The following VLDLR variants were observed in gnomAD, a reference collection of about 807,000 sequenced individuals.
VLDLR encodes the protein very low-density lipoprotein receptor.
In VLDLR, 81 loss-of-function variants were observed where a neutral mutation model predicts 112.7. The observed-to-expected ratio is 0.72, with a 90% CI of 0.60 to 0.86. The LOEUF is 0.86. VLDLR is among the 40% of genes least tolerant of loss of function. The probability of loss-of-function intolerance (pLI) is 0.00; values close to 1 mark genes in which losing one functional copy is unlikely to be tolerated. For synonymous variants in VLDLR, 436 were observed against 384.8 expected, an observed-to-expected ratio of 1.13 and a Z score of -1.56; for missense variants, 1,237 against 1,099.4, an observed-to-expected ratio of 1.13 and a Z score of -1.77.
At chr9:2,629,653 A>T (rs1364558974) in intron 1 of VLDLR, among the ~76,000 whole-genome samples, 1 of 152,240 alleles carries the variant, frequency 6.6e-6, no homozygotes, top group East Asian at 1.9e-4. Flanking sequence ...TATGTCCATG[A>T]TTCTTAAGAT....
chr9:2,625,168 G>A (rs1186967031), intron 1 of VLDLR, among the ~76,000 whole-genome samples: 2 of 152,200 alleles, frequency 1.3e-5, no homozygotes, highest in Non-Finnish European at 2.9e-5. Flanking sequence ...CTTGACTTGA[G>A]TAGTTTCATT....
In VLDLR at chr9:2,653,921, G is replaced by C; in HGVS notation, c.*53G>C. On this transcript the variant is annotated 3_prime_UTR_variant, in exon 19 of 19. Transcript: ENST00000382100. ...GTCTAAACAAATAATACCCCCGTCG[G>C]AATGGTAACCGAGCCAGCAGCTGAA... 6.3e-7 allele frequency: 1 copy of C among 1,595,236 alleles called. No individual in the cohort carries two copies. The highest frequency in any genetic ancestry group is 1.7e-5 in the Admixed American group (1 of 59,966).
intron 15 of VLDLR, 137 bp downstream of exon 15, chr9:2,650,653 G>A (rs537726588): frequency 6.3e-6 from 8 of 1,264,944 alleles, no homozygotes; most frequent in Non-Finnish European, 7.8e-6. Context: ...TTGTATGCCG[G>A]GTTATCATGT....
rs904312269 is a variant in VLDLR at position 2,659,493 on chromosome 9, G to A, written c.*5625G>A. On this transcript the variant is annotated 3_prime_UTR_variant, in exon 19 of 19. Coordinates refer to ENST00000382100, the MANE Select transcript of VLDLR (RefSeq NM_003383.5). ...AGACATTCCAGAATTATTTTCCTTG[G>A]CCATCCAAGTGAAGTAGAAGTAGAT... is the stretch of plus-strand genomic sequence containing the variant. 6.6e-6 allele frequency: 1 copy of A among 152,180 alleles called. No individual in the cohort carries two copies. The highest frequency in any genetic ancestry group is 1.5e-5 in the Non-Finnish European group (1 of 68,024). 9.4% of individuals were successfully genotyped at this position (152,180 alleles called of 1,614,324 possible).
At position 2,635,491 on chromosome 9, in the gene VLDLR, A is replaced by G; in HGVS notation, c.121A>G (p.Thr41Ala). 6.2e-7 allele frequency: 1 copy of G among 1,614,136 alleles called. No individual in the cohort carries two copies. Among genetic ancestry groups the G allele is most frequent in the Non-Finnish European group, 8.5e-7 (1 of 1,179,990 alleles). Residue 41 changes from threonine to alanine, a missense_variant, in exon 2 of 19, where the codon ACA becomes GCA. Thr to Ala is a moderately conservative substitution (Grantham distance 58). Coordinates refer to ENST00000382100, the MANE Select transcript of VLDLR (RefSeq NM_003383.5). ...ATGTGAACCCTCCCAATTCCAGTGC[A>G]CAAATGGTCGCTGTATTACGCTGTT... ...AKCEPSQFQC[T>A]NGRCITLLWK...
chr9:2,653,244 C>T (rs1159103672), intron 18 of VLDLR, among the ~76,000 whole-genome samples: 3 of 152,168 alleles, frequency 2.0e-5, no homozygotes, highest in Non-Finnish European at 2.9e-5. Flanking sequence ...CATTACTGAA[C>T]TATTAAATCC....
chr9:2,654,087 A>G lies in VLDLR; in HGVS notation c.*219A>G. ...TCAGCTTTGGATGTGGTTACCGAGT[A>G]TCTGTAACCCTTGAATTTCTAGACA... On this transcript the variant is annotated 3_prime_UTR_variant, in exon 19 of 19. Coordinates refer to ENST00000382100, the MANE Select transcript of VLDLR (RefSeq NM_003383.5). 1 of 548,198 alleles carries G rather than the reference A, an allele frequency of 1.8e-6. No individual in the cohort carries two copies. Among genetic ancestry groups the G allele is most frequent in the Non-Finnish European group, 3.3e-6 (1 of 305,364 alleles). The allele number at this position is 548,198 out of a possible 1,614,324, so 34.0% of individuals were successfully genotyped here. A position where few individuals can be genotyped will look rare whatever the true frequency, so the allele number is the denominator to read the frequency against.
Position 2,655,967 on chromosome 9 carries a change from C to A in VLDLR, c.*2099C>A, listed in dbSNP as rs1033705673. ...AAAACATGGATTTTTTTTTTTTTAA[C>A]TGGAGTAATACCAAATTCCCTTTAG... On this transcript the variant is annotated 3_prime_UTR_variant, in exon 19 of 19. Transcript: ENST00000382100. 7 of 151,034 alleles carry A rather than the reference C, an allele frequency of 4.6e-5. No individual in the cohort carries two copies. Among genetic ancestry groups the A allele is most frequent in the African/African-American group, 1.7e-4 (7 of 41,026 alleles). The allele number at this position is 151,034 out of a possible 1,614,324, so 9.4% of individuals were successfully genotyped here.
intron 1 of VLDLR, among the ~76,000 whole-genome samples, chr9:2,631,357 C>T (rs779094923): frequency 1.1e-4 from 16 of 152,184 alleles, no homozygotes; most frequent in Non-Finnish European, 1.9e-4. Context: ...GGGATACCTG[C>T]ACTGGCATGT....
rs1035943018 is a variant in VLDLR at position 2,658,277 on chromosome 9, C to T, written c.*4409C>T. On this transcript the variant is annotated 3_prime_UTR_variant, in exon 19 of 19. Transcript: ENST00000382100. Reference sequence around the variant, plus strand: ...CTAACAAACTGATAACAGTGGTGTTCCATCTCTCTATCATGTCTCCTGAGT... The same window carrying T: ...CTAACAAACTGATAACAGTGGTGTTTCATCTCTCTATCATGTCTCCTGAGT... The T allele has an allele frequency of 6.6e-6, 1 of 152,178 alleles. No homozygotes were observed. Among genetic ancestry groups the T allele is most frequent in the Non-Finnish European group, 1.5e-5 (1 of 68,050 alleles). 9.4% of individuals were successfully genotyped at this position (152,178 alleles called of 1,614,324 possible). A position where few individuals can be genotyped will look rare whatever the true frequency, so the allele number is the denominator to read the frequency against.
Position 2,643,373 on chromosome 9 carries a change from A to G in VLDLR, c.662A>G (p.Gln221Arg), listed in dbSNP as rs548237872. 6.2e-7 allele frequency: 1 copy of G among 1,614,092 alleles called. No individual in the cohort carries two copies. The highest frequency in any genetic ancestry group is 1.3e-5 in the African/African-American group (1 of 75,014). The part of the protein sequence containing the change: ...VCDDDADCSD[Q>R]SDESLEQCGR... ...GACGATGATGCAGACTGCTCCGACC[A>G]ATCTGATGAGTCCCTGGAGCAGTGT... The change falls in exon 5 of 19, where the codon CAA (glutamine) becomes CGA (arginine). Residue 221 changes from glutamine to arginine, a missense_variant. Physicochemically the swap from Gln to Arg is conservative, Grantham distance 43. Transcript: ENST00000382100.
At chr9:2,647,768 C>T in intron 12 of VLDLR, 176 bp downstream of exon 12, 8 of 692,966 alleles carry the variant, frequency 1.2e-5, no homozygotes, top group Middle Eastern at 3.5e-4. Context: ...TAACAAATTA[C>T]ACATTCCATA....
chr9:2,650,155 A>T (rs959724887), intron 14 of VLDLR, among the ~76,000 whole-genome samples: 16 of 152,102 alleles, frequency 1.1e-4, no homozygotes, highest in African/African-American at 3.9e-4. Context: ...TTTACAGTCT[A>T]TCTCGAAGAG....
chr9:2,654,386 A>ATATC lies in VLDLR; in HGVS notation c.*520_*523dup, dbSNP rs1457449337. ...TAAACTAATTTTGTACGTATGAATG[A>ATATC]TATCTTTGACCTCAATGGAGGTTTG... On this transcript the variant is annotated 3_prime_UTR_variant, in exon 19 of 19. Coordinates refer to ENST00000382100, the MANE Select transcript of VLDLR (RefSeq NM_003383.5). 1.2e-5 allele frequency: 2 copies of ATATC among 163,404 alleles called. No individual in the cohort carries two copies. The highest frequency in any genetic ancestry group is 2.4e-5 in the African/African-American group (1 of 41,534). The allele number at this position is 163,404 out of a possible 1,614,324, so 10.1% of individuals were successfully genotyped here. A position where few individuals can be genotyped will look rare whatever the true frequency, so the allele number is the denominator to read the frequency against.
chr9:2,628,117 T>C (rs1031200885), intron 1 of VLDLR, among the ~76,000 whole-genome samples: 2 of 152,040 alleles, frequency 1.3e-5, no homozygotes, highest in African/African-American at 4.8e-5. Context: ...CTAGAGAATA[T>C]AGGATGTCAG....
chr9:2,649,729 C>A (rs1488266139), intron 14 of VLDLR, among the ~76,000 whole-genome samples: 1 of 152,188 alleles, frequency 6.6e-6, no homozygotes, highest in African/African-American at 2.4e-5. Flanking sequence ...CTCATTTTAA[C>A]TTGATTACCT....
At chr9:2,638,677 T>C (rs928361377) in intron 2 of VLDLR, among the ~76,000 whole-genome samples, 2 of 152,196 alleles carry the variant, frequency 1.3e-5, no homozygotes, top group African/African-American at 4.8e-5. Context: ...CTTCCAGATA[T>C]AATTAAAAGT....
intron 12 of VLDLR, 44 bp downstream of exon 12, chr9:2,647,636 A>G (rs754063549): frequency 4.0e-6 from 6 of 1,508,542 alleles, no homozygotes; most frequent in Non-Finnish European, 5.5e-6. Context: ...AACTATCTTC[A>G]TAGTGTTTCC....
In VLDLR at chr9:2,635,563, A is replaced by G. The variant is rs769802938; in HGVS notation, c.193A>G (p.Lys65Glu). The G allele has an allele frequency of 1.2e-6, 2 of 1,614,144 alleles. No homozygotes were observed. Among genetic ancestry groups the G allele is most frequent in the Non-Finnish European group, 1.7e-6 (2 of 1,179,958 alleles). Residue 65 changes from lysine to glutamate, a missense_variant, in exon 2 of 19, where the codon AAG (lysine) becomes GAG (glutamate). Lys to Glu is a moderately conservative substitution (Grantham distance 56). Transcript: ENST00000382100. ...AGACTGTGTTGACGGCAGTGATGAA[A>G]AGAACTGTGGTAAGTAAAGAGTTTG... ...DEDCVDGSDE[K>E]NCVKKTCAES...
Sources: allele counts gnomAD v4.1 joint callset (sites outside exome capture counted in the v4.1 genomes callset), GRCh38; gene constraint gnomAD v4.1.1; transcripts MANE v1.5; gene names NCBI Gene and HGNC (gene_info 2026-07-23, HGNC 2026-07-21).